DPEP1: variants seen among roughly 807,000 people sequenced by gnomAD.
The protein encoded by DPEP1 is dipeptidase 1.
DPEP1 carries 50 observed loss-of-function variants against 42.3 expected under a neutral mutation model. The observed-to-expected ratio is 1.18, with a 90% CI of 0.94 to 1.50. DPEP1 has a LOEUF of 1.50. Among genes scored for constraint, DPEP1 ranks in the 40% most tolerant of loss-of-function variants. The pLI is 0.00. For synonymous variants in DPEP1, 297 were observed against 234.0 expected (o/e 1.27, Z -2.46); for missense variants, 663 against 553.0 (o/e 1.20, Z -1.99).
chr16:89,637,951 G>T lies in DPEP1; in HGVS notation c.1045G>T (p.Val349Phe). Residue 349 changes from valine (V) to phenylalanine (F), a missense_variant, in exon 10 of 11, where the codon GTC (valine) becomes TTC (phenylalanine). Physicochemically the swap from Val to Phe is conservative, Grantham distance 50. Coordinates refer to ENST00000690203, the MANE Select transcript of DPEP1 (RefSeq NM_001389466.1). ...CGCACTGGCTGACAACCTGCTGAGGGTCTTCGAGGCTGTGGAACAGGTGAG... is the reference window on the plus strand; with the variant it reads ...CGCACTGGCTGACAACCTGCTGAGGTTCTTCGAGGCTGTGGAACAGGTGAG... ...KGALADNLLR[V>F]FEAVEQASNL... 2 of 1,609,826 alleles carry T rather than the reference G, an allele frequency of 1.2e-6. No individual in the cohort carries two copies. Among genetic ancestry groups the T allele is most frequent in the Non-Finnish European group, 1.7e-6 (2 of 1,178,646 alleles).
At chr16:89,636,768 C>G (rs2059686325) in intron 5 of DPEP1, 85 bp downstream of exon 5, 1 of 1,601,562 alleles carries the variant, frequency 6.2e-7, no homozygotes, top group Non-Finnish European at 8.5e-7. Context: ...GAGCCCATCC[C>G]CTCTGCCTGT....
At chr16:89,628,884 T>C (rs2059549889) in intron 1 of DPEP1, among the ~76,000 whole-genome samples, 1 of 152,046 alleles carries the variant, frequency 6.6e-6, no homozygotes, top group Admixed American at 6.6e-5. Flanking sequence ...TGAAGTGCAG[T>C]GGCATGATCT....
intron 2 of DPEP1, 61 bp from the exon 3 acceptor site, chr16:89,635,847 C>G: frequency 6.6e-7 from 1 of 1,522,726 alleles, no homozygotes; most frequent in African/African-American, 1.4e-5. Flanking sequence ...GCCAGGAGCT[C>G]GGAAGCCCCC....
Position 89,637,839 on chromosome 16 carries a change from C to T in DPEP1, c.933C>T (p.Val311=), listed in dbSNP as rs772744734. ...GGTTCTCCTGGCCTCAACACAGGGT[C>T]CCTGAGGGGCTGGAGGACGTCTCCA... ...FGGDFDGVPR[V]PEGLEDVSKY... Residue 311 remains valine (V), a synonymous_variant, in exon 10 of 11, where the codon GTC becomes GTT. Transcript: ENST00000690203. 1.9e-6 allele frequency: 3 copies of T among 1,612,714 alleles called. No homozygotes were observed. The highest frequency in any genetic ancestry group is 1.7e-5 in the Admixed American group (1 of 59,992).
intron 1 of DPEP1, among the ~76,000 whole-genome samples, chr16:89,629,602 C>T (rs1567986493): frequency 6.6e-6 from 1 of 152,042 alleles, no homozygotes; most frequent in African/African-American, 2.4e-5. Context: ...CCCCAGAACC[C>T]CAGACACCAC....
intron 1 of DPEP1, among the ~76,000 whole-genome samples, chr16:89,621,093 G>A (rs2059442286): frequency 6.6e-6 from 1 of 151,998 alleles, no homozygotes; most frequent in African/African-American, 2.4e-5. Context: ...AGGCAGGGGT[G>A]AGAGGGTGGC....
chr16:89,637,301 C>T lies in DPEP1; in HGVS notation c.689C>T (p.Pro230Leu), dbSNP rs569041037. The T allele has an allele frequency of 2.4e-5, 38 of 1,612,656 alleles. 1 individual carries two copies. The highest frequency in any genetic ancestry group is 1.6e-4 in the Middle Eastern group (1 of 6,062). Residue 230 changes from proline (P) to leucine (L), a missense_variant, in exon 7 of 11, where the codon CCG becomes CTG. Coordinates refer to ENST00000690203, the MANE Select transcript of DPEP1 (RefSeq NM_001389466.1). Reference sequence around the variant, plus strand: ...GCCACCCTGCAGCTGTCCAGAGCCCCGGTCATCTTCAGCCACTCCTCGGCC... The same window carrying T: ...GCCACCCTGCAGCTGTCCAGAGCCCTGGTCATCTTCAGCCACTCCTCGGCC... ...MKATLQLSRA[P>L]VIFSHSSAYS... is the part of the protein sequence containing the mutation.
intron 1 of DPEP1, among the ~76,000 whole-genome samples, chr16:89,621,443 G>C (rs972833607): frequency 1.3e-5 from 2 of 152,206 alleles, no homozygotes; most frequent in Non-Finnish European, 2.9e-5. Context: ...GACTCCCCCA[G>C]TGCAGACATC....
intron 6 of DPEP1, 25 bp from the exon 7 acceptor site, chr16:89,637,179 G>T (rs563510700): frequency 3.7e-5 from 59 of 1,606,080 alleles, no homozygotes; most frequent in Non-Finnish European, 4.9e-5. Context: ...GGGCTGTGAG[G>T]GTGGACGGAG....
chr16:89,638,497 G>T, downstream of DPEP1: 1 of 1,263,588 alleles, frequency 7.9e-7, no homozygotes, highest in Non-Finnish European at 1.0e-6. Flanking sequence ...AATGGCTCCT[G>T]GTTGGACGTG....
chr16:89,625,007 G>A (rs1281883595), intron 1 of DPEP1, among the ~76,000 whole-genome samples: 1 of 151,852 alleles, frequency 6.6e-6, no homozygotes, highest in Non-Finnish European at 1.5e-5. Flanking sequence ...GGTGGGGGCT[G>A]TACGAGAGCA....
At chr16:89,616,681 C>G (rs188519679) in intron 1 of DPEP1, among the ~76,000 whole-genome samples, 217 of 152,184 alleles carry the variant, frequency 1.4e-3, no homozygotes, top group Admixed American at 6.2e-3. Context: ...ACGGCTGGGC[C>G]TTCTCCCCTC....
downstream of DPEP1, among the ~76,000 whole-genome samples, chr16:89,639,043 G>A (rs1597779405): frequency 4.6e-5 from 1 of 21,938 alleles, no homozygotes; most frequent in Non-Finnish European, 7.8e-5. Context: ...CCCCACCCCT[G>A]CACGCACACA....
At position 89,638,091 on chromosome 16, in the gene DPEP1, C is replaced by A. The variant is rs2059708243; in HGVS notation, c.1105C>A (p.Pro369Thr). Reference sequence around the variant, plus strand: ...ACAGGCTCCCGAGGAGGAGCCCATCCCGCTGGACCAGCTGGGTGGCTCCTG... The same window carrying A: ...ACAGGCTCCCGAGGAGGAGCCCATCACGCTGGACCAGCTGGGTGGCTCCTG... ...LTQAPEEEPIPLDQLGGSCRT... is the reference protein window; with the variant it reads ...LTQAPEEEPITLDQLGGSCRT... The change falls in exon 11 of 11, where the codon CCG (proline) becomes ACG (threonine). Residue 369 changes from proline to threonine, a missense_variant. Coordinates refer to ENST00000690203, the MANE Select transcript of DPEP1 (RefSeq NM_001389466.1). 1.2e-6 allele frequency: 2 copies of A among 1,612,216 alleles called. No homozygotes were observed. Among genetic ancestry groups the A allele is most frequent in the Non-Finnish European group, 1.7e-6 (2 of 1,179,866 alleles).
chr16:89,631,055 G>A (rs1337381571), intron 2 of DPEP1, among the ~76,000 whole-genome samples: 1 of 152,064 alleles, frequency 6.6e-6, no homozygotes, highest in East Asian at 1.9e-4. Flanking sequence ...GAGGCCCTGC[G>A]CCCCAATCTC....
At chr16:89,638,485 A>G, downstream of DPEP1, 1 of 1,289,832 alleles carries the variant, frequency 7.8e-7, no homozygotes, top group Non-Finnish European at 9.8e-7. Flanking sequence ...GTGTTTTGTG[A>G]AAATGGCTCC....
At chr16:89,640,455 G>A (rs1597780606), downstream of DPEP1, 3 of 629,216 alleles carry the variant, frequency 4.8e-6, no homozygotes, top group East Asian at 1.4e-4. Flanking sequence ...GCCCTGAGTC[G>A]AGGAGCAGGG....
At position 89,637,923 on chromosome 16, in the gene DPEP1, GGGC is replaced by G; in HGVS notation, c.1019_1021del (p.Gly340del). On this transcript the variant is annotated inframe_deletion, in exon 10 of 11. Coordinates refer to ENST00000690203, the MANE Select transcript of DPEP1 (RefSeq NM_001389466.1). ...GGAACTGGACGGAGGCGGAGGTCAAGGGCGCACTGGCTGACAACCTGCTGAGGG... is the reference window on the plus strand; with the variant it reads ...GGAACTGGACGGAGGCGGAGGTCAAGGCACTGGCTGACAACCTGCTGAGGG... The G allele has an allele frequency of 6.2e-7, 1 of 1,611,492 alleles. No individual in the cohort carries two copies. The highest frequency in any genetic ancestry group is 8.5e-7 in the Non-Finnish European group (1 of 1,179,344).
chr16:89,617,271 G>A (rs562804760), intron 1 of DPEP1, among the ~76,000 whole-genome samples: 17 of 152,274 alleles, frequency 1.1e-4, no homozygotes, highest in African/African-American at 3.6e-4. Flanking sequence ...GAAGACTCAC[G>A]GCTGAGCTGG....
Sources: allele counts gnomAD v4.1 joint callset (sites outside exome capture counted in the v4.1 genomes callset), GRCh38; gene constraint gnomAD v4.1.1; transcripts MANE v1.5; gene names NCBI Gene and HGNC (gene_info 2026-07-23, HGNC 2026-07-21).